The following LOC400499 variants were observed in gnomAD, a reference collection of about 807,000 sequenced individuals.
chr16:11,516,323 CA>C, the LOC400499 span: 228 of 399,264 alleles, frequency 5.7e-4, 1 homozygote, highest in African/African-American at 4.3e-3. Flanking sequence ...GGAGGGCGGA[CA>C]GGGGTCAAGC....
the LOC400499 span, among the ~76,000 whole-genome samples, chr16:11,403,034 G>A: frequency 5.9e-5 from 9 of 151,920 alleles, no homozygotes; most frequent in African/African-American, 1.5e-4. Context: ...TCCACACCCC[G>A]GGTTTTCTTC....
the LOC400499 span, among the ~76,000 whole-genome samples, chr16:11,418,426 CAAG>C: frequency 1.3e-5 from 2 of 152,150 alleles, no homozygotes; most frequent in Admixed American, 1.3e-4. Flanking sequence ...CCCACCAAAC[CAAG>C]AAGGTGACAA....
the LOC400499 span, chr16:11,460,477 CT>C: frequency 8.5e-6 from 13 of 1,521,380 alleles, no homozygotes; most frequent in African/African-American, 1.6e-4. Context: ...GGGAACCCAC[CT>C]TGTGGCTGAA....
chr16:11,404,853 G>C, the LOC400499 span: 2 of 398,884 alleles, frequency 5.0e-6, no homozygotes, highest in African/African-American at 4.1e-5. Context: ...CAGCTCCCTG[G>C]GAAGAGCGCT....
the LOC400499 span, among the ~76,000 whole-genome samples, chr16:11,426,537 C>A: frequency 6.6e-6 from 1 of 151,564 alleles, no homozygotes; most frequent in African/African-American, 2.4e-5. Flanking sequence ...AGAATGAGAA[C>A]AAGGTAAGAA....
chr16:11,379,902 A>T, the LOC400499 span, among the ~76,000 whole-genome samples: 1 of 152,200 alleles, frequency 6.6e-6, no homozygotes, highest in Non-Finnish European at 1.5e-5. Context: ...GTTCAATCAC[A>T]TACAAATACC....
At chr16:11,412,157 G>A in the LOC400499 span, among the ~76,000 whole-genome samples, 75 of 152,232 alleles carry the variant, frequency 4.9e-4, no homozygotes, top group African/African-American at 1.6e-3. Context: ...GAGCCGCTGT[G>A]CCAGGCCTCT....
chr16:11,396,819 G>A, the LOC400499 span: 3 of 641,702 alleles, frequency 4.7e-6, no homozygotes, highest in Non-Finnish European at 6.7e-6. Flanking sequence ...TCTAAGAAAC[G>A]CAAATCAGAT....
the LOC400499 span, among the ~76,000 whole-genome samples, chr16:11,527,313 T>TG: frequency 1.3e-5 from 2 of 150,998 alleles, no homozygotes; most frequent in African/African-American, 2.4e-5. Flanking sequence ...GAAGGGGAGG[T>TG]GGGGGGCATT....
At chr16:11,402,995 T>C in the LOC400499 span, among the ~76,000 whole-genome samples, 7 of 151,808 alleles carry the variant, frequency 4.6e-5, no homozygotes, top group East Asian at 1.9e-4. Flanking sequence ...TGACACCCCA[T>C]AGCTGAGTCC....
the LOC400499 span, among the ~76,000 whole-genome samples, chr16:11,502,582 G>A: frequency 2.5e-3 from 383 of 151,696 alleles, no homozygotes; most frequent in African/African-American, 8.7e-3. Context: ...AATATTTAGC[G>A]AGGTGGCAAT....
chr16:11,401,313 C>T, the LOC400499 span: 8 of 399,260 alleles, frequency 2.0e-5, no homozygotes, highest in East Asian at 1.1e-4. Flanking sequence ...CCACTGGCCT[C>T]GGCTTGCCGC....
At chr16:11,378,240 G>A in the LOC400499 span, among the ~76,000 whole-genome samples, 5 of 134,904 alleles carry the variant, frequency 3.7e-5, no homozygotes, top group Admixed American at 8.3e-5. Context: ...CCTGGCTGCT[G>A]CTTTTTTTTT....
chr16:11,425,242 C>T, the LOC400499 span: 1 of 399,004 alleles, frequency 2.5e-6, no homozygotes, highest in Non-Finnish European at 4.4e-6. Context: ...CGGATGCTGG[C>T]CTGGGCCCTC....
At chr16:11,444,010 G>GC in the LOC400499 span, among the ~76,000 whole-genome samples, 5 of 148,520 alleles carry the variant, frequency 3.4e-5, no homozygotes, top group Non-Finnish European at 6.0e-5. Context: ...AATTTTTATA[G>GC]TTTTTTTTTT....
At chr16:11,489,156 G>C in the LOC400499 span, among the ~76,000 whole-genome samples, 1 of 152,208 alleles carries the variant, frequency 6.6e-6, no homozygotes, top group Admixed American at 6.5e-5. Context: ...TCTGAATCCA[G>C]TCCCAAAGCT....
chr16:11,521,763 C>T, the LOC400499 span, among the ~76,000 whole-genome samples: 2 of 152,162 alleles, frequency 1.3e-5, no homozygotes, highest in Non-Finnish European at 2.9e-5. Flanking sequence ...CCCTCTGTGG[C>T]ACCTCTTACA....
At chr16:11,514,320 C>A in the LOC400499 span, 7 of 399,028 alleles carry the variant, frequency 1.8e-5, no homozygotes, top group Admixed American at 2.6e-4. Context: ...CCCCTCATGC[C>A]ACGGCCAGGG....
chr16:11,424,204 G>A, the LOC400499 span: 6 of 399,390 alleles, frequency 1.5e-5, no homozygotes, highest in East Asian at 1.8e-4. Context: ...TGGAGCTGGA[G>A]GCCCGAGGAC....
Sources: gnomAD v4.1 joint callset for allele counts (sites outside exome capture counted in the v4.1 genomes callset) on GRCh38, gnomAD v4.1.1 for gene constraint, MANE v1.5 for transcripts.